The following DHX35 variants were observed in gnomAD, a reference collection of about 807,000 sequenced individuals.
DHX35 encodes DEAH-box helicase 35.
DHX35 carries 84 observed loss-of-function variants against 99.6 expected under a neutral mutation model. The ratio of observed to expected loss-of-function variants is 0.84; its 90% confidence interval spans 0.71 to 1.01. DHX35 has a LOEUF of 1.01. DHX35 is among the 50% of genes least tolerant of loss of function. DHX35 has a pLI of 0.00. For synonymous variants in DHX35, 331 were observed against 316.2 expected (o/e 1.05, Z -0.50); for missense variants, 852 against 888.5 (o/e 0.96, Z 0.52).
At chr20:39,031,246 A>G (rs2087045782) in intron 20 of DHX35, among the ~76,000 whole-genome samples, 1 of 152,102 alleles carries the variant, frequency 6.6e-6, no homozygotes, top group South Asian at 2.1e-4. Flanking sequence ...CCACTCAGCA[A>G]ACGTTCATTT....
intron 12 of DHX35, 110 bp downstream of exon 12, chr20:39,006,466 T>G: frequency 2.6e-6 from 3 of 1,165,118 alleles, no homozygotes; most frequent in Non-Finnish European, 3.7e-6. Flanking sequence ...AATACAGGCC[T>G]TCCTCACAAG....
chr20:38,998,341 G>C (rs1039637650), intron 8 of DHX35, among the ~76,000 whole-genome samples: 1 of 152,208 alleles, frequency 6.6e-6, no homozygotes, highest in Non-Finnish European at 1.5e-5. Flanking sequence ...CTTAGCATCA[G>C]CTGGGGTCAG....
At chr20:39,038,447 TG>T in intron 21 of DHX35, 51 bp from the exon 22 acceptor site, 1 of 1,594,122 alleles carries the variant, frequency 6.3e-7, no homozygotes. Flanking sequence ...TGTTGCAGTC[TG>T]GTTTCTTTGT....
Position 39,023,690 on chromosome 20 carries a change from A to G in DHX35, c.1594A>G (p.Ile532Val), listed in dbSNP as rs1226600259. The change falls in exon 17 of 22, where the codon ATT (isoleucine) becomes GTT (valine). Residue 532 changes from isoleucine to valine, a missense_variant and splice_region_variant. Transcript: ENST00000252011. ...CTGAATGTTGCTTCATTCTTTCCAG[A>G]TTCGAGTGCACCGTAAATTTGCTGT... is the stretch of plus-strand genomic sequence containing the variant. The part of the protein sequence containing the change: ...VVPPNQKSHA[I>V]RVHRKFAVEE... 6.2e-7 allele frequency: 1 copy of G among 1,613,768 alleles called. No individual in the cohort carries two copies. Among genetic ancestry groups the G allele is most frequent in the Non-Finnish European group, 8.5e-7 (1 of 1,179,826 alleles).
chr20:39,015,066 T>G, intron 14 of DHX35, 132 bp downstream of exon 14: 1 of 1,003,508 alleles, frequency 1.0e-6, no homozygotes, highest in Non-Finnish European at 1.5e-6. Flanking sequence ...ATAATCCCCC[T>G]AATGATACTT....
Position 39,010,400 on chromosome 20 carries a change from T to G in DHX35, c.1343T>G (p.Met448Arg). 1.9e-6 allele frequency: 3 copies of G among 1,614,042 alleles called. No homozygotes were observed. The highest frequency in any genetic ancestry group is 1.7e-6 in the Non-Finnish European group (2 of 1,179,946). ...GACAATGTCCTCAGGTTCCACTTCA[T>G]GTCGGTAAGTCCTGCCTGCTGTCTG... ...GIDNVLRFHF[M>R]SPPPAQSMVQ... The change falls in exon 13 of 22, where the codon ATG becomes AGG. Residue 448 changes from methionine to arginine, a missense_variant. Physicochemically the swap from Met to Arg is moderately conservative, Grantham distance 91 (BLOSUM62 -1). Coordinates refer to ENST00000252011, the MANE Select transcript of DHX35 (RefSeq NM_021931.4).
At chr20:38,962,595 C>T in intron 1 of DHX35, 188 bp downstream of exon 1, 2 of 663,474 alleles carry the variant, frequency 3.0e-6, no homozygotes, top group South Asian at 2.0e-5. Flanking sequence ...GGGGGTGCTC[C>T]CCTAGCGTGA....
intron 3 of DHX35, chr20:38,978,495 G>C: frequency 2.1e-6 from 1 of 481,090 alleles, no homozygotes; most frequent in Non-Finnish European, 3.8e-6. Flanking sequence ...GAGAACAGCT[G>C]TGCAGGGCGG....
At chr20:38,991,095 AATTATCTT>A (rs1367104538) in intron 5 of DHX35, among the ~76,000 whole-genome samples, 2 of 152,196 alleles carry the variant, frequency 1.3e-5, no homozygotes, top group South Asian at 2.1e-4. Context: ...TTTGAAGAGC[AATTATCTT>A]ACACTTAGGG....
intron 7 of DHX35, among the ~76,000 whole-genome samples, chr20:38,992,875 A>G (rs2086362765): frequency 6.6e-6 from 1 of 152,184 alleles, no homozygotes; most frequent in Admixed American, 6.5e-5. Context: ...ATACTGTTGT[A>G]GCAAGCACCC....
Position 39,003,788 on chromosome 20 carries a change from G to C in DHX35, c.892G>C (p.Ala298Pro). The C allele has an allele frequency of 6.2e-7, 1 of 1,614,190 alleles. No individual in the cohort carries two copies. Among genetic ancestry groups the C allele is most frequent in the Non-Finnish European group, 8.5e-7 (1 of 1,180,008 alleles). ...TGTTGTGTCGATGCTCATCGAGCAG[G>C]CTCGAGCACTAGCTCGCACTGGGAT... ...ETVVSMLIEQ[A>P]RALARTGMKR... Residue 298 changes from alanine (A) to proline (P), a missense_variant, in exon 11 of 22, where the codon GCT becomes CCT. Physicochemically the swap from Ala to Pro is conservative, Grantham distance 27. Coordinates refer to ENST00000252011, the MANE Select transcript of DHX35 (RefSeq NM_021931.4).
At chr20:39,032,101 A>G (rs142280562) in intron 20 of DHX35, among the ~76,000 whole-genome samples, 2 of 152,346 alleles carry the variant, frequency 1.3e-5, no homozygotes, top group South Asian at 2.1e-4. Context: ...TCTAGAATTC[A>G]TTTATATTGT....
chr20:39,006,386 A>G (rs780778911), intron 12 of DHX35, 30 bp downstream of exon 12: 1 of 1,604,706 alleles, frequency 6.2e-7, no homozygotes, highest in Admixed American at 1.7e-5. Context: ...AGGGTTTTTG[A>G]CTTTCTTATA....
At chr20:39,013,694 A>G (rs764711061) in intron 13 of DHX35, among the ~76,000 whole-genome samples, 2 of 152,208 alleles carry the variant, frequency 1.3e-5, no homozygotes, top group Non-Finnish European at 2.9e-5. Context: ...CACTCTCAGT[A>G]TAAAAGATCC....
At chr20:39,020,340 G>A (rs1410917540) in intron 15 of DHX35, among the ~76,000 whole-genome samples, 1 of 152,132 alleles carries the variant, frequency 6.6e-6, no homozygotes, top group Non-Finnish European at 1.5e-5. Flanking sequence ...TCCATTAATA[G>A]GTGTACCATT....
chr20:39,031,544 C>T (rs902160665), intron 20 of DHX35, among the ~76,000 whole-genome samples: 2 of 152,110 alleles, frequency 1.3e-5, no homozygotes, highest in Non-Finnish European at 2.9e-5. Flanking sequence ...ACTGTGTTGG[C>T]CAGGCTGGTC....
chr20:39,019,192 C>T (rs1176169477), intron 15 of DHX35, among the ~76,000 whole-genome samples: 2 of 152,132 alleles, frequency 1.3e-5, no homozygotes, highest in Non-Finnish European at 2.9e-5. Context: ...TCTGCCCCGC[C>T]CCTGGCAACC....
At chr20:39,024,263 AT>A (rs1200359326) in intron 17 of DHX35, among the ~76,000 whole-genome samples, 3 of 152,206 alleles carry the variant, frequency 2.0e-5, no homozygotes, top group Admixed American at 2.0e-4. Context: ...TTTATTGTTA[AT>A]ATTCTTTAAA....
intron 9 of DHX35, among the ~76,000 whole-genome samples, chr20:39,002,491 T>G (rs2086536866): frequency 6.6e-6 from 1 of 152,250 alleles, no homozygotes; most frequent in Non-Finnish European, 1.5e-5. Flanking sequence ...TTCACTGGTC[T>G]GATGTCTTTG....
Sources: gnomAD v4.1 joint callset for allele counts (sites outside exome capture counted in the v4.1 genomes callset) on GRCh38, gnomAD v4.1.1 for gene constraint, MANE v1.5 for transcripts, NCBI Gene and HGNC (gene_info 2026-07-23, HGNC 2026-07-21) for gene names.